GRHL1: variants seen among roughly 807,000 people sequenced by gnomAD.
The protein encoded by GRHL1 is grainyhead-like protein 1 homolog.
GRHL1 carries 38 observed loss-of-function variants against 75.7 expected under a neutral mutation model. The ratio of observed to expected loss-of-function variants is 0.50; its 90% CI spans 0.39 to 0.66. GRHL1 has a LOEUF of 0.66. Ranked by LOEUF, GRHL1 falls within the 30% of genes least tolerant of loss-of-function variation. GRHL1 has a pLI of 0.00. For missense variants in GRHL1, 589 were observed against 767.5 expected (o/e 0.77, Z 2.75); for synonymous variants, 266 against 279.4 (o/e 0.95, Z 0.48).
rs560684501 is a variant in GRHL1, at chr2:9,994,546, G to A, written c.1499+1302G>A. Among the ~76,000 whole-genome samples the A allele has an allele frequency of 2.0e-5, 3 of 152,122 alleles. No individual in the cohort carries two copies. The South Asian group carries it at 6.2e-4, about 32-fold the overall frequency. On this transcript the variant is annotated intron_variant, in intron 12 of 15. Coordinates refer to ENST00000324907, the MANE Select transcript of GRHL1 (RefSeq NM_198182.3). ...TACTGGGGACATTCATGCCCCACACGTTACCCATCGTGCCTCTCTTTGAAG... is the reference window on the plus strand; with the variant it reads ...TACTGGGGACATTCATGCCCCACACATTACCCATCGTGCCTCTCTTTGAAG...
At position 9,995,878 on chromosome 2, in the gene GRHL1, G is replaced by C. The variant is rs1439677627; in HGVS notation, c.1500-1G>C. 1.9e-6 allele frequency: 3 copies of C among 1,598,320 alleles called. No individual in the cohort carries two copies. In the South Asian group the frequency reaches 3.3e-5, roughly 18 times the overall value. ...TAACGGCATATTTTGGATCACTGCA[G>C]CTCTGTCTTGAAAAGGGGGCCGTAC... On this transcript the variant is annotated splice_acceptor_variant, in intron 12 of 15. Transcript: ENST00000324907. LOFTEE classifies it high-confidence loss of function.
intron 3 of GRHL1, 197 bp downstream of exon 3, chr2:9,959,053 A>G (rs1667158946): frequency 1.5e-6 from 1 of 681,338 alleles, no homozygotes; most frequent in Non-Finnish European, 2.2e-6. Flanking sequence ...TGGGCGTAGT[A>G]GTTGCCTTTT....
Position 9,961,159 on chromosome 2 carries a change from G to A in GRHL1, c.392G>A (p.Gly131Asp), listed in dbSNP as rs762037569. Reference sequence around the variant, plus strand: ...GTCCTTCCCCATGGCAACCAGCTGGGCATTGATAAGAGAGGCCATCTGACA... The same window carrying A: ...GTCCTTCCCCATGGCAACCAGCTGGACATTGATAAGAGAGGCCATCTGACA... Reference protein sequence around the residue: ...NIVLPHGNQLGIDKRGHLTAP... With the variant: ...NIVLPHGNQLDIDKRGHLTAP... Residue 131 changes from glycine to aspartate, a missense_variant, in exon 4 of 16, where the codon GGC (glycine) becomes GAC (aspartate). Gly to Asp is a moderately conservative substitution (Grantham distance 94). Coordinates refer to ENST00000324907, the MANE Select transcript of GRHL1 (RefSeq NM_198182.3). The A allele has an allele frequency of 2.4e-5, 38 of 1,613,650 alleles. No homozygotes were observed. Among genetic ancestry groups the A allele is most frequent in the Non-Finnish European group, 3.1e-5 (37 of 1,179,824 alleles).
intron 4 of GRHL1, among the ~76,000 whole-genome samples, chr2:9,961,860 C>T (rs796257789): frequency 6.6e-6 from 1 of 152,040 alleles, no homozygotes; most frequent in South Asian, 2.1e-4. Flanking sequence ...TCAGGGAGAG[C>T]ACAAATGCAT....
intron 2 of GRHL1, among the ~76,000 whole-genome samples, chr2:9,957,193 GTT>G: frequency 6.6e-6 from 1 of 151,896 alleles, no homozygotes; most frequent in Non-Finnish European, 1.5e-5. Flanking sequence ...GTCTCACTAT[GTT>G]GCCCAGGCTG....
intron 8 of GRHL1, among the ~76,000 whole-genome samples, chr2:9,981,125 C>T (rs753679292): frequency 1.3e-5 from 2 of 152,218 alleles, no homozygotes; most frequent in Non-Finnish European, 2.9e-5. Flanking sequence ...TTTCTACACT[C>T]GCCATATGTG....
intron 12 of GRHL1, among the ~76,000 whole-genome samples, chr2:9,995,607 G>A (rs1668828686): frequency 6.7e-6 from 1 of 149,008 alleles, no homozygotes; most frequent in African/African-American, 2.5e-5. Flanking sequence ...AAAAACCAAA[G>A]CGCCTCATCT....
rs145542407 is a variant in GRHL1, at chr2:9,968,556, C to T, written c.1110+3175C>T. 4.5e-4 allele frequency among the ~76,000 whole-genome samples: 69 copies of T among 152,250 alleles called. No homozygotes were observed. The highest frequency in any genetic ancestry group is 1.6e-3 in the African/African-American group (65 of 41,556). On this transcript the variant is annotated intron_variant, in intron 8 of 15. Coordinates refer to ENST00000324907, the MANE Select transcript of GRHL1 (RefSeq NM_198182.3). The surrounding 1 kb of genome is among the most constrained non-coding windows in gnomAD (Gnocchi z 4.7). ...CTTCCTGATGCACAGCTGAGATTAG[C>T]TGCTTGAGGTAATTTTTGCAGAGAG...
chr2:9,989,505 G>A (rs1480382823), intron 9 of GRHL1, among the ~76,000 whole-genome samples: 1 of 152,118 alleles, frequency 6.6e-6, no homozygotes, highest in Non-Finnish European at 1.5e-5. Context: ...TTGAGCAGTT[G>A]ATATACAGAG....
intron 9 of GRHL1, among the ~76,000 whole-genome samples, chr2:9,988,562 T>C (rs2125238458): frequency 6.6e-6 from 1 of 152,130 alleles, no homozygotes; most frequent in East Asian, 1.9e-4. Flanking sequence ...ATCTCGGAGC[T>C]CTTTCCTCTT....
intron 8 of GRHL1, among the ~76,000 whole-genome samples, chr2:9,980,926 A>G (rs1668170611): frequency 6.6e-6 from 1 of 152,154 alleles, no homozygotes; most frequent in South Asian, 2.1e-4. Flanking sequence ...CTGTAATCAC[A>G]GTGATAATTT....
intron 8 of GRHL1, among the ~76,000 whole-genome samples, chr2:9,982,710 A>G (rs1171796863): frequency 6.6e-6 from 1 of 152,228 alleles, no homozygotes; most frequent in African/African-American, 2.4e-5. Flanking sequence ...TCACACTTTG[A>G]GAGCCATTGC....
rs1227015836 is a variant in GRHL1, at chr2:9,979,151, C to CAAAA, written c.1111-6960_1111-6957dup. Among the ~76,000 whole-genome samples, 335 of 60,364 alleles carry CAAAA rather than the reference C, an allele frequency of 5.5e-3. 10 individuals are homozygous for CAAAA. Among genetic ancestry groups the CAAAA allele is most frequent in the Non-Finnish European group, 6.1e-3 (207 of 34,176 alleles). 39.6% of individuals were successfully genotyped at this position (60,364 alleles called of 152,430 possible). On this transcript the variant is annotated intron_variant, in intron 8 of 15. Transcript: ENST00000324907. ...TTCCAGCCTGGGCAAGACTCTCTCT[C>CAAAA]AAAAAAAAAAAAAAAAGGAAACCTT...
chr2:10,000,599 G>A lies in GRHL1; in HGVS notation c.1749G>A (p.Leu583=), dbSNP rs1232049517. Residue 583 remains leucine, a synonymous_variant, in exon 16 of 16, where the codon CTG becomes CTA. Transcript: ENST00000324907. ...CTTGTCCCCCCCCATCCAGGATCCT[G>A]GTGAACATGGACGACAACATTGTGA... ...KIFKKCKKGI[L]VNMDDNIVKH... is the part of the protein sequence containing the mutation. 2 of 1,605,218 alleles carry A rather than the reference G, an allele frequency of 1.2e-6. No homozygotes were observed. Among genetic ancestry groups the A allele is most frequent in the African/African-American group, 1.3e-5 (1 of 74,718 alleles).
chr2:9,997,042 C>T (rs1668893336), intron 14 of GRHL1, among the ~76,000 whole-genome samples: 1 of 152,198 alleles, frequency 6.6e-6, no homozygotes, highest in East Asian at 1.9e-4. Flanking sequence ...ACCAGCCTGT[C>T]TCCTAGAGAC....
intron 8 of GRHL1, among the ~76,000 whole-genome samples, chr2:9,966,564 G>GT (rs1359256106): frequency 2.0e-5 from 3 of 152,096 alleles, no homozygotes; most frequent in Non-Finnish European, 4.4e-5. Context: ...CTCAGTCTCT[G>GT]TTTTTTACTT....
In GRHL1 at chr2:9,986,205, G is replaced by T; in HGVS notation, c.1192G>T (p.Asp398Tyr). Residue 398 changes from aspartate to tyrosine, a missense_variant, in exon 9 of 16, where the codon GAT (aspartate) becomes TAT (tyrosine). This residue lies in a region of GRHL1 where 30 missense variants were observed against 40.3 expected (regional missense o/e 0.74). Transcript: ENST00000324907. ...GGGGTTGCCTCTTAACATTCAAGTT[G>T]ATACCTATAGTTACAACAACCGCAG... ...VKGLPLNIQV[D>Y]TYSYNNRSNK... is the part of the protein sequence containing the mutation. 6.2e-7 allele frequency: 1 copy of T among 1,613,664 alleles called. No individual in the cohort carries two copies. The highest frequency in any genetic ancestry group is 8.5e-7 in the Non-Finnish European group (1 of 1,179,760).
intron 3 of GRHL1, chr2:9,960,131 G>A (rs915651817): frequency 3.3e-5 from 5 of 152,126 alleles, no homozygotes; most frequent in Non-Finnish European, 7.3e-5. Flanking sequence ...GTAACAATAG[G>A]TTTTCTTGGG....
At chr2:9,981,474 T>C (rs1372890934) in intron 8 of GRHL1, among the ~76,000 whole-genome samples, 1 of 152,246 alleles carries the variant, frequency 6.6e-6, no homozygotes, top group Non-Finnish European at 1.5e-5. Context: ...TTTAGATCAC[T>C]GGTCAGCAGA....
Sources: allele counts gnomAD v4.1 joint callset (sites outside exome capture counted in the v4.1 genomes callset), GRCh38; gene constraint gnomAD v4.1.1; regional missense constraint gnomAD v4.1.1; non-coding constraint Gnocchi (gnomAD v3.1); transcripts MANE v1.5; gene names NCBI Gene and HGNC (gene_info 2026-07-23, HGNC 2026-07-21).